PCDHGA4: variants seen among roughly 807,000 people sequenced by gnomAD.
PCDHGA4 encodes the protein protocadherin gamma subfamily A, 4, also known as protocadherin gamma-A4.
Under a neutral mutation model 54.6 loss-of-function variants are expected in PCDHGA4, and 38 were observed. That is an observed-to-expected ratio of 0.70 (90% confidence interval 0.54 to 0.91). The LOEUF (loss-of-function observed/expected upper bound fraction) is 0.91, where lower values mean the gene tolerates loss of function less well. Ranked by LOEUF, PCDHGA4 falls within the 40% of genes least tolerant of loss-of-function variation. The pLI, the probability that PCDHGA4 is intolerant of heterozygous loss-of-function variation, is 0.00. For missense variants in PCDHGA4, 1,298 were observed against 1,220.9 expected, an observed-to-expected ratio of 1.06 and a Z score of -0.94; for synonymous variants, 511 against 512.9, an observed-to-expected ratio of 1.00 and a Z score of 0.05.
rs765586654 is a variant in PCDHGA4 at position 141,421,994 on chromosome 5, T to C, written c.2514+64373T>C. 8 of 1,608,922 alleles carry C rather than the reference T, an allele frequency of 5.0e-6. No homozygotes were observed. In the African/African-American group the frequency reaches 5.4e-5, roughly 11 times the overall value. On this transcript the variant is annotated intron_variant, in intron 1 of 3. Coordinates refer to ENST00000571252, the MANE Select transcript of PCDHGA4 (RefSeq NM_018917.4). ...TATCGCGTGAGTGTTCCAGAAAACA[T>C]CAGCTCCGGAACTCGGGTGCTGATG...
chr5:141,412,554 C>T (rs2095562022), intron 1 of PCDHGA4: 1 of 152,094 alleles, frequency 6.6e-6, no homozygotes, highest in Non-Finnish European at 1.5e-5. Context: ...TGAATTATCT[C>T]ATGAGTTTAT....
At chr5:141,438,366 G>A (rs749623408) in intron 1 of PCDHGA4, among the ~76,000 whole-genome samples, 6 of 151,462 alleles carry the variant, frequency 4.0e-5, no homozygotes, top group Non-Finnish European at 7.4e-5. Context: ...TTGTCATTGA[G>A]GGCAGATATA....
chr5:141,361,749 C>A (rs1334871182), intron 1 of PCDHGA4: 1 of 1,612,938 alleles, frequency 6.2e-7, no homozygotes, highest in African/African-American at 1.3e-5. Context: ...GCGACCAGGG[C>A]TCGCCCGCGC....
intron 1 of PCDHGA4, among the ~76,000 whole-genome samples, chr5:141,446,664 G>A (rs116573282): frequency 0.012 from 1,821 of 152,192 alleles, 38 homozygotes; most frequent in African/African-American, 0.042. Context: ...TTTAGTACAA[G>A]ACAGCATTTC....
intron 1 of PCDHGA4, chr5:141,392,821 C>G: frequency 6.3e-7 from 1 of 1,594,632 alleles, no homozygotes; most frequent in Non-Finnish European, 8.5e-7. Context: ...ACAATGGCCG[C>G]TCCACAGAGT....
chr5:141,490,686 C>T lies in PCDHGA4; in HGVS notation c.2515-4121C>T. The T allele has an allele frequency of 3.7e-6, 6 of 1,614,196 alleles. No homozygotes were observed. The highest frequency in any genetic ancestry group is 5.1e-6 in the Non-Finnish European group (6 of 1,180,014). ...GCACTGTGGCTGCCTCAGATCCAGA[C>T]ACTGGGGATAATGCCCGCCTCACCT... On this transcript the variant is annotated intron_variant, in intron 1 of 3. Coordinates refer to ENST00000571252, the MANE Select transcript of PCDHGA4 (RefSeq NM_018917.4). This position sits in a 1 kb window ranked among gnomAD's most constrained non-coding sequence, Gnocchi z 5.4.
chr5:141,485,865 C>A lies in PCDHGA4; in HGVS notation c.2515-8942C>A. ...TCTGGCACCGCAGAGCTCCGGGTAT[C>A]CGTGCTGGACGTAAACGACAACGCC... On this transcript the variant is annotated intron_variant, in intron 1 of 3. Transcript: ENST00000571252. The surrounding 1 kb of genome is among the most constrained non-coding windows in gnomAD (Gnocchi z 5.7). 1 of 1,614,182 alleles carries A rather than the reference C, an allele frequency of 6.2e-7. No homozygotes were observed. The highest frequency in any genetic ancestry group is 8.5e-7 in the Non-Finnish European group (1 of 1,180,034).
At chr5:141,494,524 C>T (rs2099754936) in intron 1 of PCDHGA4, among the ~76,000 whole-genome samples, 1 of 152,156 alleles carries the variant, frequency 6.6e-6, no homozygotes, top group African/African-American at 2.4e-5. Flanking sequence ...GGAGTTCTGA[C>T]TCTGGGGGCA....
intron 1 of PCDHGA4, among the ~76,000 whole-genome samples, chr5:141,449,560 GC>G (rs1487612909): frequency 6.9e-6 from 1 of 145,056 alleles, no homozygotes; most frequent in Non-Finnish European, 1.5e-5. Flanking sequence ...CTGCACTCCA[GC>G]CTGGGCGACA....
intron 1 of PCDHGA4, chr5:141,415,466 C>T (rs1187128064): frequency 6.2e-7 from 1 of 1,614,224 alleles, no homozygotes. Flanking sequence ...GTCTCTCTCA[C>T]CGCGGACTCG....
chr5:141,355,921 G>A lies in PCDHGA4; in HGVS notation c.814G>A (p.Val272Met), dbSNP rs764054199. 2.5e-6 allele frequency: 4 copies of A among 1,613,736 alleles called. No homozygotes were observed. The highest frequency in any genetic ancestry group is 1.1e-5 in the South Asian group (1 of 91,042). The change falls in exon 1 of 4, where the codon GTG (valine) becomes ATG (methionine). Residue 272 changes from valine to methionine, a missense_variant. Coordinates refer to ENST00000571252, the MANE Select transcript of PCDHGA4 (RefSeq NM_018917.4). Reference protein sequence around the residue: ...ILVDTNDNAPVFTQPEYHVSV... With the variant: ...ILVDTNDNAPMFTQPEYHVSV... ...TGTGGATACCAACGATAATGCTCCC[G>A]TGTTCACTCAGCCCGAGTACCACGT... is the stretch of plus-strand genomic sequence containing the variant.
At chr5:141,420,386 AT>A (rs2096493306) in intron 1 of PCDHGA4, 1 of 1,284,798 alleles carries the variant, frequency 7.8e-7, no homozygotes, top group African/African-American at 1.5e-5. Flanking sequence ...AGTTCGCAAA[AT>A]ATAGGTCAAA....
At chr5:141,414,406 C>T (rs1315007586) in intron 1 of PCDHGA4, 6 of 1,613,764 alleles carry the variant, frequency 3.7e-6, no homozygotes, top group African/African-American at 2.7e-5. Flanking sequence ...ATTGGTGATA[C>T]ACAGAGCCCT....
At chr5:141,459,237 C>T (rs1004453705) in intron 1 of PCDHGA4, among the ~76,000 whole-genome samples, 1 of 152,214 alleles carries the variant, frequency 6.6e-6, no homozygotes, top group Admixed American at 6.5e-5. Flanking sequence ...AACTGGTCTG[C>T]TTCCTGTCAC....
intron 1 of PCDHGA4, among the ~76,000 whole-genome samples, chr5:141,368,668 C>T (rs1198992123): frequency 1.3e-5 from 2 of 152,072 alleles, no homozygotes; most frequent in East Asian, 3.9e-4. Flanking sequence ...TCTTTAAACC[C>T]TCTATAAACT....
chr5:141,460,681 A>G (rs2098995379), intron 1 of PCDHGA4, among the ~76,000 whole-genome samples: 1 of 152,134 alleles, frequency 6.6e-6, no homozygotes, highest in African/African-American at 2.4e-5. Context: ...ATATATCTAT[A>G]TATCCACCAA....
At chr5:141,404,784 C>T (rs780341962) in intron 1 of PCDHGA4, 2 of 1,613,832 alleles carry the variant, frequency 1.2e-6, no homozygotes, top group Non-Finnish European at 1.7e-6. Flanking sequence ...CTATTCAAGG[C>T]CAGTGAGCCA....
At position 141,366,206 on chromosome 5, in the gene PCDHGA4, G is replaced by A. The variant is rs200201332; in HGVS notation, c.2514+8585G>A. ...TGCGGTTGGGCTGCACACGGGCGAG[G>A]TGCGCACAGCGCGAGCCCTGCTGGA... On this transcript the variant is annotated intron_variant, in intron 1 of 3. Coordinates refer to ENST00000571252, the MANE Select transcript of PCDHGA4 (RefSeq NM_018917.4). 1.5e-4 allele frequency: 235 copies of A among 1,613,848 alleles called. No individual in the cohort carries two copies. The African/African-American group carries it at 2.7e-3, about 18-fold the overall frequency.
Position 141,432,548 on chromosome 5 carries a change from G to T in PCDHGA4, c.2515-62259G>T, listed in dbSNP as rs1251651638. On this transcript the variant is annotated intron_variant, in intron 1 of 3. Coordinates refer to ENST00000571252, the MANE Select transcript of PCDHGA4 (RefSeq NM_018917.4). The surrounding 1 kb of genome is among the most constrained non-coding windows in gnomAD (Gnocchi z 6.0). ...GACCAAGGTGGTGGCGGTGGACAGA[G>T]ACTCCGGCCAGAACGCCTGGCTGTC... 1.9e-6 allele frequency: 3 copies of T among 1,613,998 alleles called. No homozygotes were observed. The South Asian group carries it at 3.3e-5, about 18-fold the overall frequency.
Sources: allele counts gnomAD v4.1 joint callset (sites outside exome capture counted in the v4.1 genomes callset), GRCh38; gene constraint gnomAD v4.1.1; non-coding constraint Gnocchi (gnomAD v3.1); transcripts MANE v1.5; gene names NCBI Gene and HGNC (gene_info 2026-07-23, HGNC 2026-07-21).